The following CHCHD6 variants were observed in gnomAD, a reference collection of about 807,000 sequenced individuals.
CHCHD6 encodes coiled-coil-helix-coiled-coil-helix domain containing 6, also known as MICOS complex subunit MIC25.
Under a neutral mutation model 32.3 loss-of-function variants are expected in CHCHD6, and 28 were observed. The ratio of observed to expected loss-of-function variants is 0.87; its 90% CI spans 0.64 to 1.19. CHCHD6 has a LOEUF of 1.19. CHCHD6 is among the 50% of genes most tolerant of loss of function. The pLI, the probability that CHCHD6 is intolerant of heterozygous loss-of-function variation, is 0.00. For missense variants in CHCHD6, 333 were observed against 307.0 expected (o/e 1.08, Z -0.63); for synonymous variants, 122 against 117.5 (o/e 1.04, Z -0.25).
intron 4 of CHCHD6, among the ~76,000 whole-genome samples, chr3:126,835,678 G>C (rs1440249689): frequency 6.6e-6 from 1 of 152,196 alleles, no homozygotes; most frequent in East Asian, 1.9e-4. Context: ...GAAGCAGCAG[G>C]CAGCAGAGCT....
chr3:126,895,374 C>T (rs536155402), intron 5 of CHCHD6, among the ~76,000 whole-genome samples: 1 of 152,290 alleles, frequency 6.6e-6, no homozygotes, highest in East Asian at 1.9e-4. Context: ...TGACCATTAC[C>T]GGCTGGCTGC....
chr3:126,915,866 A>T (rs150420804), intron 6 of CHCHD6, among the ~76,000 whole-genome samples: 13 of 152,204 alleles, frequency 8.5e-5, no homozygotes, highest in African/African-American at 2.9e-4. Context: ...TCATGGCTCA[A>T]TGCAGCCTTG....
At chr3:126,773,853 G>T (rs944121947) in intron 4 of CHCHD6, among the ~76,000 whole-genome samples, 4 of 151,924 alleles carry the variant, frequency 2.6e-5, no homozygotes, top group African/African-American at 9.7e-5. Flanking sequence ...CAATCCTCCT[G>T]CCTCGGCCTC....
intron 1 of CHCHD6, among the ~76,000 whole-genome samples, chr3:126,720,327 A>G (rs1935223142): frequency 6.6e-6 from 1 of 152,156 alleles, no homozygotes. Context: ...CATAGATCCC[A>G]GGACCCCTGA....
chr3:126,888,672 C>T lies in CHCHD6; in HGVS notation c.496-26008C>T, dbSNP rs571301440. ...TTCACCAGGGACGGGAGACAGCCCT[C>T]GTCTGGTGAGTAGACAGGAAGGGAT... On this transcript the variant is annotated intron_variant, in intron 5 of 7. Coordinates refer to ENST00000290913, the MANE Select transcript of CHCHD6 (RefSeq NM_032343.3). Among the ~76,000 whole-genome samples the T allele has an allele frequency of 2.6e-5, 4 of 152,314 alleles. No individual in the cohort carries two copies. The East Asian group carries it at 5.8e-4, about 22-fold the overall frequency.
chr3:126,949,366 A>G, intron 6 of CHCHD6: 1 of 232,238 alleles, frequency 4.3e-6, no homozygotes, highest in South Asian at 4.7e-5. Flanking sequence ...GGAAGGCTGC[A>G]CAGACACCTG....
At chr3:126,808,342 A>G (rs1421090782) in intron 4 of CHCHD6, among the ~76,000 whole-genome samples, 1 of 152,112 alleles carries the variant, frequency 6.6e-6, no homozygotes, top group Non-Finnish European at 1.5e-5. Context: ...TTCTTTTGCC[A>G]TATTCTGAAT....
At chr3:126,713,965 T>G (rs998790032) in intron 1 of CHCHD6, among the ~76,000 whole-genome samples, 9 of 150,758 alleles carry the variant, frequency 6.0e-5, no homozygotes, top group Non-Finnish European at 1.2e-4. Context: ...TAGTCCCAGC[T>G]ACTTGGGAGG....
chr3:126,807,707 A>T (rs1198977283), intron 4 of CHCHD6, among the ~76,000 whole-genome samples: 1 of 152,228 alleles, frequency 6.6e-6, no homozygotes, highest in Non-Finnish European at 1.5e-5. Context: ...CTATACCAGG[A>T]TACATCATGA....
chr3:126,762,865 T>C (rs1937214412), intron 4 of CHCHD6, among the ~76,000 whole-genome samples: 1 of 152,208 alleles, frequency 6.6e-6, no homozygotes, highest in Non-Finnish European at 1.5e-5. Flanking sequence ...TACTTTATTT[T>C]GCATATTATT....
intron 4 of CHCHD6, among the ~76,000 whole-genome samples, chr3:126,836,437 C>T (rs1940864879): frequency 6.6e-6 from 1 of 152,180 alleles, no homozygotes; most frequent in Non-Finnish European, 1.5e-5. Flanking sequence ...AGTCCTCACC[C>T]CTGCCTCTCT....
intron 4 of CHCHD6, among the ~76,000 whole-genome samples, chr3:126,849,201 G>T (rs902216382): frequency 6.6e-6 from 1 of 152,216 alleles, no homozygotes; most frequent in Admixed American, 6.5e-5. Flanking sequence ...GCTGCAGGTC[G>T]CCAGCCTGGC....
intron 4 of CHCHD6, among the ~76,000 whole-genome samples, chr3:126,793,372 G>T (rs956979197): frequency 2.0e-5 from 3 of 151,972 alleles, no homozygotes; most frequent in African/African-American, 7.2e-5. Context: ...GAAGCGTTTT[G>T]AAATATTCTC....
intron 6 of CHCHD6, among the ~76,000 whole-genome samples, chr3:126,952,849 T>C (rs973754246): frequency 1.3e-5 from 2 of 152,092 alleles, no homozygotes; most frequent in African/African-American, 2.4e-5. Context: ...CTGCTGTGTC[T>C]GTGGTCTCAG....
At chr3:126,713,417 G>T (rs539502656) in intron 1 of CHCHD6, among the ~76,000 whole-genome samples, 1 of 152,280 alleles carries the variant, frequency 6.6e-6, no homozygotes, top group East Asian at 1.9e-4. Context: ...TCCGGGCCTG[G>T]CTCACAAGGT....
intron 6 of CHCHD6, among the ~76,000 whole-genome samples, chr3:126,955,658 C>G (rs1263420839): frequency 6.6e-6 from 1 of 152,162 alleles, no homozygotes; most frequent in Non-Finnish European, 1.5e-5. Flanking sequence ...AGGGACTGTT[C>G]GTTTTGTTCA....
chr3:126,861,967 C>T (rs1311107863), intron 5 of CHCHD6, among the ~76,000 whole-genome samples: 1 of 58,806 alleles, frequency 1.7e-5, no homozygotes. Flanking sequence ...CACCACTTCC[C>T]CCTCCTCCAC....
rs199870789 is a variant in CHCHD6 at position 126,952,743 on chromosome 3, AGT to A, written c.567-4671_567-4670del. On this transcript the variant is annotated intron_variant, in intron 6 of 7. Transcript: ENST00000290913. Reference sequence around the variant, plus strand: ...TGAGAGATGAATGTGTTTTGGATGGAGTGCGGGGAATGGAGAAGGTCCAGGAG... The same window carrying A: ...TGAGAGATGAATGTGTTTTGGATGGAGCGGGGAATGGAGAAGGTCCAGGAG... Among the ~76,000 whole-genome samples the A allele has an allele frequency of 3.2e-3, 481 of 152,234 alleles. 2 individuals are homozygous for A. Among genetic ancestry groups the A allele is most frequent in the African/African-American group, 0.011 (459 of 41,532 alleles).
chr3:126,932,210 C>T (rs2078416273), intron 6 of CHCHD6, among the ~76,000 whole-genome samples: 1 of 152,188 alleles, frequency 6.6e-6, no homozygotes, highest in South Asian at 2.1e-4. Flanking sequence ...GATAACACCA[C>T]GCTTTGCAGA....
Sources: gnomAD v4.1 joint callset for allele counts (sites outside exome capture counted in the v4.1 genomes callset) on GRCh38, gnomAD v4.1.1 for gene constraint, MANE v1.5 for transcripts, NCBI Gene and HGNC (gene_info 2026-07-23, HGNC 2026-07-21) for gene names.